The following NR4A1 variants were observed in gnomAD, a reference collection of about 807,000 sequenced individuals.
NR4A1 encodes the protein nuclear receptor subfamily 4 group A member 1.
Under a neutral mutation model 47.5 loss-of-function variants are expected in NR4A1, and 24 were observed. The ratio of observed to expected loss-of-function variants is 0.50; its 90% CI spans 0.37 to 0.71. NR4A1 has a LOEUF of 0.71. Among genes scored for constraint, NR4A1 ranks in the 30% least tolerant of loss-of-function variants. The pLI, the probability that NR4A1 is intolerant of heterozygous loss-of-function variation, is 0.00. For synonymous variants in NR4A1, 353 were observed against 345.7 expected, an observed-to-expected ratio of 1.02 and a Z score of -0.24; for missense variants, 669 against 788.6, an observed-to-expected ratio of 0.85 and a Z score of 1.82.
chr12:52,054,256 A>G, intron 1 of NR4A1, 71 bp from the exon 2 acceptor site: 1 of 1,347,152 alleles, frequency 7.4e-7, no homozygotes, highest in Non-Finnish European at 1.0e-6. Context: ...GGGCCCAAAT[A>G]CTTTGAGACA....
chr12:52,053,149 G>A (rs1369842238), intron 1 of NR4A1, among the ~76,000 whole-genome samples: 1 of 152,152 alleles, frequency 6.6e-6, no homozygotes, highest in Non-Finnish European at 1.5e-5. Flanking sequence ...GCAGACCCCA[G>A]GTGTGTAGGT....
chr12:52,032,335 C>T (rs1416979772), intron 1 of NR4A1, among the ~76,000 whole-genome samples: 1 of 152,190 alleles, frequency 6.6e-6, no homozygotes, highest in Non-Finnish European at 1.5e-5. Context: ...ACCATATTTT[C>T]CCTGCTTCAG....
At chr12:52,037,473 G>A in intron 1 of NR4A1, 5 of 984,492 alleles carry the variant, frequency 5.1e-6, no homozygotes, top group Non-Finnish European at 6.0e-6. Context: ...GCGGGAGGTG[G>A]GCCCCGGAGA....
Position 52,057,175 on chromosome 12 carries a change from G to C in NR4A1, c.1277G>C (p.Gly426Ala), listed in dbSNP as rs1250657232. Residue 426 changes from glycine to alanine, a missense_variant, in exon 5 of 7, where the codon GGC (glycine) becomes GCC (alanine). Transcript: ENST00000394825. Reference protein sequence around the residue: ...VIRKWAEKIPGFAELSPADQD... With the variant: ...VIRKWAEKIPAFAELSPADQD... ...CGCAAGTGGGCGGAGAAGATCCCTGGCTTTGCTGAGCTGTCACCGGCTGAC... is the reference window on the plus strand; with the variant it reads ...CGCAAGTGGGCGGAGAAGATCCCTGCCTTTGCTGAGCTGTCACCGGCTGAC... The C allele has an allele frequency of 6.2e-7, 1 of 1,613,992 alleles. No individual in the cohort carries two copies. Among genetic ancestry groups the C allele is most frequent in the African/African-American group, 1.3e-5 (1 of 74,928 alleles).
At position 52,054,349 on chromosome 12, in the gene NR4A1, A is replaced by T; in HGVS notation, c.21A>T (p.Gln7His). 1 of 1,612,260 alleles carries T rather than the reference A, an allele frequency of 6.2e-7. No individual in the cohort carries two copies. The highest frequency in any genetic ancestry group is 2.2e-5 in the East Asian group (1 of 44,824). The part of the protein sequence containing the change: MPCIQA[Q>H]YGTPAPSPGP... ...CAGAGATGCCCTGTATCCAAGCCCA[A>T]TATGGGACACCAGCACCGAGTCCGG... is the stretch of plus-strand genomic sequence containing the variant. Residue 7 changes from glutamine to histidine, a missense_variant, in exon 2 of 7, where the codon CAA becomes CAT. Transcript: ENST00000394825.
At chr12:52,037,932 C>T (rs1213709256) in intron 1 of NR4A1, 6 of 979,974 alleles carry the variant, frequency 6.1e-6, no homozygotes, top group Non-Finnish European at 7.2e-6. Context: ...TGTTTTTTTG[C>T]CGCAACATCT....
intron 1 of NR4A1, among the ~76,000 whole-genome samples, chr12:52,032,056 A>G (rs532119338): frequency 6.6e-6 from 1 of 152,222 alleles, no homozygotes; most frequent in Non-Finnish European, 1.5e-5. Flanking sequence ...TCGGCCTCCC[A>G]AAGTGCTGGG....
chr12:52,033,865 G>T (rs1938183257), intron 1 of NR4A1, among the ~76,000 whole-genome samples: 1 of 152,202 alleles, frequency 6.6e-6, no homozygotes, highest in Non-Finnish European at 1.5e-5. Context: ...CCTTATTCAG[G>T]GCCAGGGCCT....
At chr12:52,028,021 A>T (rs564045880) in intron 1 of NR4A1, among the ~76,000 whole-genome samples, 1 of 151,756 alleles carries the variant, frequency 6.6e-6, no homozygotes, top group South Asian at 2.1e-4. Flanking sequence ...GGGCAACATG[A>T]TGAAATCCTG....
At chr12:52,038,466 G>T (rs1391995528) in intron 1 of NR4A1, 2 of 465,258 alleles carry the variant, frequency 4.3e-6, no homozygotes, top group Non-Finnish European at 7.8e-6. Context: ...TTGGTTGTGG[G>T]GCTAGTATTA....
At chr12:52,033,119 G>T (rs1384640291) in intron 1 of NR4A1, among the ~76,000 whole-genome samples, 1 of 152,164 alleles carries the variant, frequency 6.6e-6, no homozygotes, top group Non-Finnish European at 1.5e-5. Flanking sequence ...ATCCTGGCTG[G>T]ACCTGCTGCG....
chr12:52,044,175 C>G (rs1008068520), intron 2 of NR4A1, among the ~76,000 whole-genome samples: 3 of 152,218 alleles, frequency 2.0e-5, no homozygotes, highest in Non-Finnish European at 4.4e-5. Context: ...CACAGGGTGT[C>G]CGTCCTCCTC....
intron 1 of NR4A1, among the ~76,000 whole-genome samples, chr12:52,041,496 T>G (rs1938435865): frequency 1.3e-5 from 2 of 152,152 alleles, no homozygotes; most frequent in African/African-American, 4.8e-5. Context: ...CTTTTGTGCA[T>G]GTCAAAGGCC....
chr12:52,024,296 G>A lies in NR4A1; in HGVS notation c.-84+1357G>A, dbSNP rs138607122. 8.2e-3 allele frequency among the ~76,000 whole-genome samples: 1,254 copies of A among 152,344 alleles called. 6 individuals are homozygous for A. Among genetic ancestry groups the A allele is most frequent in the Non-Finnish European group, 0.013 (918 of 68,028 alleles). On this transcript the variant is annotated intron_variant, in intron 1 of 7. Coordinates refer to the NR4A1 transcript ENST00000360284. ...TATCACATGCAGTGGATTGCTTTCA[G>A]CCTTTTTTCTGAATATAAAATATAC...
At chr12:52,036,475 T>G (rs1257352491) in intron 1 of NR4A1, among the ~76,000 whole-genome samples, 7 of 152,266 alleles carry the variant, frequency 4.6e-5, no homozygotes, top group African/African-American at 1.4e-4. Flanking sequence ...CCAGATATGG[T>G]GGATAATCTG....
At chr12:52,029,545 A>G (rs541217343) in intron 1 of NR4A1, among the ~76,000 whole-genome samples, 1 of 152,222 alleles carries the variant, frequency 6.6e-6, no homozygotes, top group South Asian at 2.1e-4. Flanking sequence ...AAAATTAGCC[A>G]GGCATGGTGG....
chr12:52,059,181 T>G lies in NR4A1; in HGVS notation c.*237T>G. ...CCAGCCTGGCCCCGGCCTTTATGTT[T>G]TTTGTAAGATAAACCGTTTTTAACA... On this transcript the variant is annotated 3_prime_UTR_variant, in exon 7 of 7. Coordinates refer to ENST00000394825, the MANE Select transcript of NR4A1 (RefSeq NM_173157.3). 1 of 562,036 alleles carries G rather than the reference T, an allele frequency of 1.8e-6. No homozygotes were observed. Among genetic ancestry groups the G allele is most frequent in the Non-Finnish European group, 3.1e-6 (1 of 323,614 alleles). The allele number at this position is 562,036 out of a possible 1,614,324, so 34.8% of individuals were successfully genotyped here. A position where few individuals can be genotyped will look rare whatever the true frequency, so the allele number is the denominator to read the frequency against.
upstream of NR4A1, among the ~76,000 whole-genome samples, chr12:52,046,609 G>C (rs746600995): frequency 1.3e-5 from 2 of 152,188 alleles, no homozygotes; most frequent in Non-Finnish European, 2.9e-5. Flanking sequence ...ACACTTGAAA[G>C]AATTTGTTCT....
At chr12:52,036,935 C>G (rs1443693121) in intron 1 of NR4A1, among the ~76,000 whole-genome samples, 1 of 152,226 alleles carries the variant, frequency 6.6e-6, no homozygotes, top group Non-Finnish European at 1.5e-5. Context: ...CCTCGGCACC[C>G]TCACCTGAGA....
Sources: gnomAD v4.1 joint callset for allele counts (sites outside exome capture counted in the v4.1 genomes callset) on GRCh38, gnomAD v4.1.1 for gene constraint, MANE v1.5 for transcripts, NCBI Gene and HGNC (gene_info 2026-07-23, HGNC 2026-07-21) for gene names.